The following DMGDH variants were observed in gnomAD, a reference collection of about 807,000 sequenced individuals.
DMGDH encodes dimethylglycine dehydrogenase, mitochondrial.
In DMGDH, 76 loss-of-function variants were observed where a neutral mutation model predicts 95.2. The observed-to-expected ratio is 0.80, with a 90% CI of 0.66 to 0.97. The LOEUF is 0.97. DMGDH is among the 50% of genes least tolerant of loss of function. DMGDH has a pLI of 0.00. For synonymous variants in DMGDH, 345 were observed against 377.6 expected (o/e 0.91, Z 1.00); for missense variants, 987 against 1,055.0 (o/e 0.94, Z 0.89).
chr5:79,021,831 T>C, intron 14 of DMGDH: 1 of 809,528 alleles, frequency 1.2e-6, no homozygotes, highest in Non-Finnish European at 1.8e-6. Context: ...GGAAAAGGAC[T>C]TTGTGGGGGA....
At chr5:79,055,388 T>C (rs1428467624) in intron 3 of DMGDH, among the ~76,000 whole-genome samples, 1 of 152,134 alleles carries the variant, frequency 6.6e-6, no homozygotes, top group African/African-American at 2.4e-5. Flanking sequence ...ATTTTGAGAG[T>C]TTGAGTAAAT....
rs761155776 is a variant in DMGDH at position 79,032,823 on chromosome 5, C to G, written c.1381G>C (p.Glu461Gln). ...FNNIVGYPKEERFAGRPTQRV... is the reference protein window; with the variant it reads ...FNNIVGYPKEQRFAGRPTQRV... ...TGAGTCGGCCTCCCAGCAAACCGTT[C>G]TTCTTTAGGATAACCAACTGAAAAG... The change falls in exon 9 of 16, where the codon GAA (glutamate) becomes CAA (glutamine). Residue 461 changes from glutamate to glutamine, a missense_variant. Transcript: ENST00000255189. 1 of 1,614,110 alleles carries G rather than the reference C, an allele frequency of 6.2e-7. No individual in the cohort carries two copies. Among genetic ancestry groups the G allele is most frequent in the Non-Finnish European group, 8.5e-7 (1 of 1,180,024 alleles).
intron 14 of DMGDH, among the ~76,000 whole-genome samples, chr5:79,016,731 C>G (rs1753741015): frequency 6.6e-6 from 1 of 152,076 alleles, no homozygotes; most frequent in South Asian, 2.1e-4. Flanking sequence ...ATTCAAAGGA[C>G]CTAGAATAGC....
intron 5 of DMGDH, among the ~76,000 whole-genome samples, chr5:79,046,294 A>G (rs145489300): frequency 4.6e-5 from 7 of 152,118 alleles, no homozygotes; most frequent in African/African-American, 1.4e-4. Context: ...CATTTTGACC[A>G]GGCTGATCTT....
intron 3 of DMGDH, among the ~76,000 whole-genome samples, 196 bp from the exon 4 acceptor site, chr5:79,054,544 A>G (rs1048733900): frequency 1.3e-5 from 2 of 152,214 alleles, no homozygotes. Context: ...GCCTGTTCGG[A>G]GCCAGGCACT....
intron 3 of DMGDH, among the ~76,000 whole-genome samples, chr5:79,055,362 T>C (rs559648405): frequency 7.9e-5 from 12 of 152,230 alleles, no homozygotes; most frequent in East Asian, 1.9e-4. Context: ...ATGGATACTC[T>C]TTTGCCTGCC....
intron 14 of DMGDH, among the ~76,000 whole-genome samples, chr5:79,011,956 C>T (rs1319968139): frequency 6.6e-6 from 1 of 152,086 alleles, no homozygotes; most frequent in African/African-American, 2.4e-5. Flanking sequence ...TATGATTACA[C>T]CTCTGACCCC....
chr5:79,044,664 C>T (rs1425980794), intron 5 of DMGDH, 112 bp from the exon 6 acceptor site: 5 of 1,216,366 alleles, frequency 4.1e-6, no homozygotes, highest in South Asian at 1.3e-5. Flanking sequence ...GTACTCATGG[C>T]AAAGTCTAAT....
At chr5:79,025,195 G>C (rs79001772) in intron 13 of DMGDH, among the ~76,000 whole-genome samples, 2 of 152,184 alleles carry the variant, frequency 1.3e-5, no homozygotes, top group African/African-American at 4.8e-5. Flanking sequence ...CGGAGGGACG[G>C]GAGAAGGAGA....
At chr5:79,017,105 G>C (rs1753747969) in intron 14 of DMGDH, among the ~76,000 whole-genome samples, 1 of 151,900 alleles carries the variant, frequency 6.6e-6, no homozygotes, top group African/African-American at 2.4e-5. Context: ...AGAAAACATA[G>C]CAGAAAATCT....
intron 5 of DMGDH, among the ~76,000 whole-genome samples, chr5:79,050,273 A>AATATATATAT (rs761250761): frequency 9.1e-4 from 19 of 20,918 alleles, no homozygotes; most frequent in African/African-American, 1.7e-3. Flanking sequence ...AAAAAAAAAA[A>AATATATATAT]ATATATATAT....
At chr5:79,065,535 CAA>C (rs1755353395) in intron 1 of DMGDH, among the ~76,000 whole-genome samples, 2 of 152,280 alleles carry the variant, frequency 1.3e-5, no homozygotes, top group African/African-American at 4.8e-5. Context: ...CTTATGATAA[CAA>C]TGCCTTCTTC....
chr5:79,056,510 T>G (rs1428051030), intron 2 of DMGDH, among the ~76,000 whole-genome samples: 1 of 151,584 alleles, frequency 6.6e-6, no homozygotes. Context: ...GCCTCTGCAC[T>G]CCAGCCTGGG....
chr5:79,068,741 A>C (rs534196329), intron 1 of DMGDH, among the ~76,000 whole-genome samples: 1 of 152,362 alleles, frequency 6.6e-6, no homozygotes, highest in South Asian at 2.1e-4. Flanking sequence ...AAGTCGAAAG[A>C]TGTTCAGCAT....
chr5:79,058,354 G>T (rs16876438), intron 2 of DMGDH, among the ~76,000 whole-genome samples: 10,854 of 152,260 alleles, frequency 0.071, 862 homozygotes, highest in African/African-American at 0.18. Flanking sequence ...TTTTGTTAAT[G>T]TAAGTGCCAG....
chr5:79,002,980 G>A (rs1753479758), intron 15 of DMGDH, among the ~76,000 whole-genome samples: 1 of 152,120 alleles, frequency 6.6e-6, no homozygotes, highest in African/African-American at 2.4e-5. Flanking sequence ...ATAGGGCAAA[G>A]GAAAAAACCT....
chr5:79,032,228 A>G (rs1302800005), intron 9 of DMGDH, among the ~76,000 whole-genome samples: 1 of 152,240 alleles, frequency 6.6e-6, no homozygotes, highest in Non-Finnish European at 1.5e-5. Context: ...TCAACTGCAC[A>G]TATAATTTGC....
At chr5:79,050,513 A>T (rs1166270169) in intron 5 of DMGDH, among the ~76,000 whole-genome samples, 1 of 152,170 alleles carries the variant, frequency 6.6e-6, no homozygotes, top group Non-Finnish European at 1.5e-5. Context: ...CTATTATCCC[A>T]GTTTAGACTG....
chr5:79,026,161 G>A (rs185489627), intron 13 of DMGDH, among the ~76,000 whole-genome samples: 4 of 152,260 alleles, frequency 2.6e-5, no homozygotes, highest in African/African-American at 9.6e-5. Context: ...AGGCAAGCCG[G>A]CTCCCCAAAG....
Sources: gnomAD v4.1 joint callset for allele counts (sites outside exome capture counted in the v4.1 genomes callset) on GRCh38, gnomAD v4.1.1 for gene constraint, MANE v1.5 for transcripts, NCBI Gene and HGNC (gene_info 2026-07-23, HGNC 2026-07-21) for gene names.